Variants in PIAS1 observed in about 807,000 individuals in gnomAD.
The protein encoded by PIAS1 is E3 SUMO-protein ligase PIAS1.
A neutral mutation model predicts 71.3 loss-of-function variants in PIAS1; 6 were observed. The ratio of observed to expected loss-of-function variants is 0.08; its 90% CI spans 0.05 to 0.17. The LOEUF (loss-of-function observed/expected upper bound fraction) is 0.17. PIAS1 is among the 10% of genes least tolerant of loss of function. The probability of loss-of-function intolerance (pLI) is 1.00; values close to 1 mark genes in which losing one functional copy is unlikely to be tolerated. For synonymous variants in PIAS1, 303 were observed against 292.9 expected (o/e 1.03, Z -0.35); for missense variants, 555 against 793.6 (o/e 0.70, Z 3.61).
At chr15:68,122,463 A>G (rs2092620737) in intron 2 of PIAS1, among the ~76,000 whole-genome samples, 1 of 152,224 alleles carries the variant, frequency 6.6e-6, no homozygotes. Flanking sequence ...TGGATGGTTT[A>G]GAACTCTGCC....
chr15:68,155,449 TAAAAA>T (rs71937461), intron 7 of PIAS1, among the ~76,000 whole-genome samples: 2 of 103,324 alleles, frequency 1.9e-5, no homozygotes, highest in African/African-American at 7.3e-5. Flanking sequence ...ATGCTGCCTG[TAAAAA>T]AAAAAAAAAA....
chr15:68,087,487 T>A (rs1415154577), intron 2 of PIAS1, among the ~76,000 whole-genome samples: 1 of 152,208 alleles, frequency 6.6e-6, no homozygotes, highest in Non-Finnish European at 1.5e-5. Flanking sequence ...ATATCAGACT[T>A]CTAAATGCTG....
intron 6 of PIAS1, among the ~76,000 whole-genome samples, chr15:68,147,562 C>CA (rs1334923273): frequency 6.6e-6 from 1 of 152,004 alleles, no homozygotes; most frequent in Non-Finnish European, 1.5e-5. Context: ...ATTGGCTACA[C>CA]AAAGTTTTCG....
chr15:68,123,760 T>C (rs1023746304), intron 2 of PIAS1, among the ~76,000 whole-genome samples: 7 of 152,210 alleles, frequency 4.6e-5, no homozygotes, highest in African/African-American at 1.7e-4. Context: ...TGTGATATTA[T>C]AGAAACCTTA....
In PIAS1 at chr15:68,192,236, G is replaced by A. The variant is rs1264114933; in HGVS notation, c.*4401G>A. On this transcript the variant is annotated 3_prime_UTR_variant, in exon 14 of 14. Transcript: ENST00000249636. ...GGCCTAGGACCTTTGAGCTTTGCCT[G>A]AAAGTGACAGCAGTTCTCTCGGCGG... The A allele has an allele frequency of 6.6e-6, 1 of 152,094 alleles. No homozygotes were observed. The highest frequency in any genetic ancestry group is 1.5e-5 in the Non-Finnish European group (1 of 68,008). 9.4% of individuals were successfully genotyped at this position (152,094 alleles called of 1,614,324 possible).
intron 2 of PIAS1, among the ~76,000 whole-genome samples, chr15:68,119,677 G>A (rs1254226739): frequency 6.6e-6 from 1 of 152,172 alleles, no homozygotes; most frequent in African/African-American, 2.4e-5. Flanking sequence ...AAATTTCAAA[G>A]ATCAGATTGG....
In PIAS1 at chr15:68,116,380, C is replaced by T. The variant is rs144222632; in HGVS notation, c.470-25566C>T. On this transcript the variant is annotated intron_variant, in intron 2 of 13. Coordinates refer to ENST00000249636, the MANE Select transcript of PIAS1 (RefSeq NM_016166.3). ...GTTATAAGTTTTTGTCATAAAGGTA[C>T]GCCAAATATTAATAATATTCTCTTC... 1.6e-3 allele frequency among the ~76,000 whole-genome samples: 243 copies of T among 152,126 alleles called. No homozygotes were observed. The East Asian group carries it at 0.016, about 10-fold the overall frequency.
chr15:68,132,056 GA>G (rs2092691658), intron 2 of PIAS1, among the ~76,000 whole-genome samples: 1 of 147,980 alleles, frequency 6.8e-6, no homozygotes. Context: ...AAAAAGAAAA[GA>G]AAAGAAAAAA....
At chr15:68,150,826 G>C (rs1337317567) in intron 6 of PIAS1, among the ~76,000 whole-genome samples, 1 of 152,034 alleles carries the variant, frequency 6.6e-6, no homozygotes, top group Non-Finnish European at 1.5e-5. Context: ...TTCAGATTAG[G>C]GATGCTGAAC....
chr15:68,147,282 T>G (rs1446787392), intron 6 of PIAS1, among the ~76,000 whole-genome samples: 1 of 152,220 alleles, frequency 6.6e-6, no homozygotes, highest in Non-Finnish European at 1.5e-5. Context: ...TCTTTGAAAT[T>G]TTTACCAATT....
intron 1 of PIAS1, among the ~76,000 whole-genome samples, chr15:68,075,287 T>A (rs1824190019): frequency 6.6e-6 from 1 of 151,894 alleles, no homozygotes; most frequent in Non-Finnish European, 1.5e-5. Context: ...AGTTTCACCA[T>A]GCTGGCCAGG....
At chr15:68,184,796 T>G (rs940324876) in intron 13 of PIAS1, 1 of 153,324 alleles carries the variant, frequency 6.5e-6, no homozygotes, top group East Asian at 1.9e-4. Flanking sequence ...ATTTCAAGGC[T>G]TTTAAGGACA....
chr15:68,159,839 A>G (rs945415483), intron 7 of PIAS1, among the ~76,000 whole-genome samples: 4 of 152,106 alleles, frequency 2.6e-5, no homozygotes, highest in African/African-American at 9.7e-5. Context: ...CTCTTGGGTA[A>G]ATACCTAGGA....
At chr15:68,088,376 C>G (rs1037504308) in intron 2 of PIAS1, among the ~76,000 whole-genome samples, 11 of 151,472 alleles carry the variant, frequency 7.3e-5, no homozygotes, top group Admixed American at 1.3e-4. Context: ...ATTATATATT[C>G]GCAAATTCAG....
chr15:68,104,766 C>T (rs760170208), intron 2 of PIAS1, among the ~76,000 whole-genome samples: 8 of 152,106 alleles, frequency 5.3e-5, no homozygotes, highest in Admixed American at 2.0e-4. Flanking sequence ...TTAATCATTG[C>T]ACATTGTATG....
At chr15:68,179,302 A>G (rs967015774) in intron 11 of PIAS1, among the ~76,000 whole-genome samples, 5 of 152,196 alleles carry the variant, frequency 3.3e-5, no homozygotes, top group South Asian at 2.1e-4. Flanking sequence ...GAAATTGTCT[A>G]TGCTGTTTGA....
intron 2 of PIAS1, among the ~76,000 whole-genome samples, chr15:68,120,364 G>A (rs1464661797): frequency 6.6e-6 from 1 of 151,244 alleles, no homozygotes; most frequent in Admixed American, 6.6e-5. Context: ...TACCATCTTG[G>A]TATTTATTTT....
intron 7 of PIAS1, among the ~76,000 whole-genome samples, chr15:68,163,377 G>T (rs950130823): frequency 6.6e-6 from 1 of 152,190 alleles, no homozygotes; most frequent in African/African-American, 2.4e-5. Context: ...GACAGCCTGT[G>T]AAATATATTA....
Position 68,068,077 on chromosome 15 carries a change from T to G in PIAS1, c.24+13727T>G, listed in dbSNP as rs149475130. On this transcript the variant is annotated intron_variant, in intron 1 of 13. Coordinates refer to ENST00000249636, the MANE Select transcript of PIAS1 (RefSeq NM_016166.3). Reference sequence around the variant, plus strand: ...GGTGGAGAGGAAAGTTTTGGAGACCTGAAAATATGTATAGGGTGAACGTGG... The same window carrying G: ...GGTGGAGAGGAAAGTTTTGGAGACCGGAAAATATGTATAGGGTGAACGTGG... Among the ~76,000 whole-genome samples the G allele has an allele frequency of 1.8e-4, 28 of 152,302 alleles. No homozygotes were observed. In the East Asian group the frequency reaches 5.0e-3, roughly 27 times the overall value.
Sources: gnomAD v4.1 joint callset for allele counts (sites outside exome capture counted in the v4.1 genomes callset) on GRCh38, gnomAD v4.1.1 for gene constraint, MANE v1.5 for transcripts, NCBI Gene and HGNC (gene_info 2026-07-23, HGNC 2026-07-21) for gene names.